MPPED2: variants seen among roughly 807,000 people sequenced by gnomAD.
MPPED2 encodes metallophosphoesterase domain containing 2.
MPPED2 carries 5 observed loss-of-function variants against 33.0 expected under a neutral mutation model. The observed-to-expected ratio is 0.15, with a 90% CI of 0.08 to 0.32. The LOEUF (loss-of-function observed/expected upper bound fraction) is 0.32. Ranked by LOEUF, MPPED2 falls within the 10% of genes least tolerant of loss-of-function variation. The probability of loss-of-function intolerance (pLI) is 1.00; values close to 1 mark genes in which losing one functional copy is unlikely to be tolerated. For missense variants in MPPED2, 275 were observed against 372.1 expected (o/e 0.74, Z 2.15); for synonymous variants, 136 against 141.9 (o/e 0.96, Z 0.29).
chr11:30,416,165 GC>G, intron 5 of MPPED2, among the ~76,000 whole-genome samples: 1 of 152,380 alleles, frequency 6.6e-6, no homozygotes, highest in Admixed American at 6.5e-5. Flanking sequence ...TGATGAAAAA[GC>G]ATGGGAATGG....
intron 4 of MPPED2, among the ~76,000 whole-genome samples, chr11:30,435,742 A>G (rs1267749926): frequency 6.6e-6 from 1 of 152,088 alleles, no homozygotes; most frequent in Non-Finnish European, 1.5e-5. Flanking sequence ...CTCTGCCTCT[A>G]CCAACCACTG....
intron 4 of MPPED2, among the ~76,000 whole-genome samples, chr11:30,452,566 G>T (rs771325871): frequency 6.6e-6 from 1 of 152,150 alleles, no homozygotes; most frequent in Non-Finnish European, 1.5e-5. Flanking sequence ...GGTCCAACTC[G>T]AACTTACTAA....
At chr11:30,540,968 A>T (rs771579939) in intron 2 of MPPED2, among the ~76,000 whole-genome samples, 28 of 152,178 alleles carry the variant, frequency 1.8e-4, no homozygotes, top group Non-Finnish European at 7.3e-5. Context: ...ACTGGGGAGA[A>T]TCCCTCCCTT....
At chr11:30,439,569 C>T (rs997617351) in intron 4 of MPPED2, among the ~76,000 whole-genome samples, 1 of 152,048 alleles carries the variant, frequency 6.6e-6, no homozygotes, top group Non-Finnish European at 1.5e-5. Context: ...CTTTGAATTA[C>T]GGTGCCCTAG....
chr11:30,535,893 G>T (rs1954783386), intron 3 of MPPED2, 101 bp downstream of exon 3: 3 of 950,814 alleles, frequency 3.2e-6, no homozygotes, highest in Non-Finnish European at 3.0e-6. Context: ...ACGAGAAATG[G>T]CTGAGCTGGC....
At chr11:30,574,453 C>T (rs187834083) in intron 2 of MPPED2, among the ~76,000 whole-genome samples, 14 of 152,188 alleles carry the variant, frequency 9.2e-5, no homozygotes, top group South Asian at 2.1e-4. Context: ...TGCACAAAGA[C>T]GAAATCGCCT....
At chr11:30,506,161 C>T (rs1952816975) in intron 3 of MPPED2, among the ~76,000 whole-genome samples, 1 of 152,110 alleles carries the variant, frequency 6.6e-6, no homozygotes, top group African/African-American at 2.4e-5. Context: ...TCTCAGCCTC[C>T]CAAGTAGCTG....
At chr11:30,473,117 T>C (rs1951020640) in intron 4 of MPPED2, among the ~76,000 whole-genome samples, 1 of 152,196 alleles carries the variant, frequency 6.6e-6, no homozygotes, top group African/African-American at 2.4e-5. Flanking sequence ...CTACATGGTA[T>C]TCTATCGTAT....
intron 2 of MPPED2, among the ~76,000 whole-genome samples, chr11:30,555,756 C>T (rs552938476): frequency 3.9e-5 from 6 of 152,220 alleles, no homozygotes; most frequent in South Asian, 2.1e-4. Flanking sequence ...TGATAAATTA[C>T]GCAGTCTCAG....
In MPPED2 at chr11:30,575,074, C is replaced by A. The variant is rs192552937; in HGVS notation, c.128+5172G>T. On this transcript the variant is annotated intron_variant, in intron 2 of 6. Transcript: ENST00000358117. ...ATTTACTTCCTACCACATTCTTGAACTGAATAAGAATGAAATCTCAGATCA... is the reference window on the plus strand; with the variant it reads ...ATTTACTTCCTACCACATTCTTGAAATGAATAAGAATGAAATCTCAGATCA... 1.2e-4 allele frequency among the ~76,000 whole-genome samples: 19 copies of A among 152,258 alleles called. No individual in the cohort carries two copies. The East Asian group carries it at 3.7e-3, about 29-fold the overall frequency.
chr11:30,504,574 T>G (rs191461680), intron 3 of MPPED2, among the ~76,000 whole-genome samples: 10 of 152,212 alleles, frequency 6.6e-5, no homozygotes, highest in African/African-American at 2.4e-4. Context: ...CACTGCATAC[T>G]CCAGAAATCC....
exon 7 of MPPED2, chr11:30,386,740 C>T (rs746461173): frequency 4.0e-5 from 16 of 398,382 alleles, no homozygotes; most frequent in Non-Finnish European, 5.8e-5. Context: ...AATTCATTCA[C>T]AACAGTCAAA....
At chr11:30,453,176 T>G (rs1950136941) in intron 4 of MPPED2, among the ~76,000 whole-genome samples, 1 of 152,124 alleles carries the variant, frequency 6.6e-6, no homozygotes, top group Admixed American at 6.5e-5. Flanking sequence ...AAGCAACAGA[T>G]TCCCTAAGAC....
chr11:30,439,845 T>TTAAC (rs1330766018), intron 4 of MPPED2, among the ~76,000 whole-genome samples: 14 of 152,384 alleles, frequency 9.2e-5, no homozygotes, highest in African/African-American at 2.4e-4. Context: ...GACCTACTTA[T>TTAAC]TAACTATATT....
chr11:30,454,233 A>T (rs886177393), intron 4 of MPPED2, among the ~76,000 whole-genome samples: 36 of 152,208 alleles, frequency 2.4e-4, no homozygotes, highest in African/African-American at 8.4e-4. Context: ...CAGCCTCATT[A>T]AATCTAAGCC....
intron 2 of MPPED2, among the ~76,000 whole-genome samples, chr11:30,556,919 TC>T (rs1187515129): frequency 6.6e-6 from 1 of 151,912 alleles, no homozygotes; most frequent in Admixed American, 6.6e-5. Context: ...GAGAAGGGAT[TC>T]CCCAAAAGCA....
chr11:30,572,411 A>G, intron 2 of MPPED2, among the ~76,000 whole-genome samples: 1 of 152,188 alleles, frequency 6.6e-6, no homozygotes, highest in Non-Finnish European at 1.5e-5. Context: ...GGGAGTGTAT[A>G]GGAAAAAGAA....
intron 4 of MPPED2, among the ~76,000 whole-genome samples, chr11:30,454,638 G>A (rs1051188077): frequency 6.6e-6 from 1 of 152,124 alleles, no homozygotes; most frequent in African/African-American, 2.4e-5. Context: ...AAATGACCCT[G>A]TTCTCTCTCC....
At chr11:30,411,870 AG>A (rs1260602398) in intron 6 of MPPED2, among the ~76,000 whole-genome samples, 1 of 152,146 alleles carries the variant, frequency 6.6e-6, no homozygotes, top group African/African-American at 2.4e-5. Context: ...GGGAGAATAA[AG>A]AAAAACTTTT....
Sources: gnomAD v4.1 joint callset for allele counts (sites outside exome capture counted in the v4.1 genomes callset) on GRCh38, gnomAD v4.1.1 for gene constraint, MANE v1.5 for transcripts, NCBI Gene and HGNC (gene_info 2026-07-23, HGNC 2026-07-21) for gene names.